GRID1: variants seen among roughly 807,000 people sequenced by gnomAD.
The protein encoded by GRID1 is glutamate ionotropic receptor delta type subunit 1.
GRID1 carries 28 observed loss-of-function variants against 98.0 expected under a neutral mutation model. That is an observed-to-expected ratio of 0.29 (90% confidence interval 0.21 to 0.39). The LOEUF (loss-of-function observed/expected upper bound fraction) is 0.39. Among genes scored for constraint, GRID1 ranks in the 10% least tolerant of loss-of-function variants. GRID1 has a pLI of 1.00. For missense variants in GRID1, 1,111 were observed against 1,340.5 expected (o/e 0.83, Z 2.67); for synonymous variants, 553 against 538.5 (o/e 1.03, Z -0.37).
intron 3 of GRID1, among the ~76,000 whole-genome samples, chr10:86,175,978 G>A (rs1845570589): frequency 6.6e-6 from 1 of 152,106 alleles, no homozygotes; most frequent in African/African-American, 2.4e-5. Flanking sequence ...CAAAGTGCTG[G>A]GATTACAGGC....
chr10:86,322,935 T>C (rs1365011712), intron 2 of GRID1, among the ~76,000 whole-genome samples: 1 of 143,298 alleles, frequency 7.0e-6, no homozygotes, highest in East Asian at 2.1e-4. Context: ...CTACTAAAAA[T>C]ACAAAAAAAA....
chr10:85,649,975 C>T (rs569494488), intron 12 of GRID1: 6 of 152,384 alleles, frequency 3.9e-5, no homozygotes, highest in African/African-American at 1.4e-4. Context: ...GATCTTTCAA[C>T]AAAGGTTTCC....
chr10:85,770,660 G>A (rs983562144), intron 8 of GRID1, among the ~76,000 whole-genome samples: 4 of 152,180 alleles, frequency 2.6e-5, no homozygotes, highest in Admixed American at 6.5e-5. Context: ...GCCAAGGCTC[G>A]AGAACTACGT....
intron 5 of GRID1, among the ~76,000 whole-genome samples, chr10:85,910,726 T>C (rs773875216): frequency 1.2e-4 from 18 of 152,216 alleles, no homozygotes; most frequent in Non-Finnish European, 2.2e-4. Flanking sequence ...TGTCAGACCC[T>C]CATGCTAGGA....
intron 15 of GRID1, 54 bp from the exon 16 acceptor site, chr10:85,602,755 G>A: frequency 7.4e-7 from 1 of 1,350,118 alleles, no homozygotes; most frequent in Non-Finnish European, 1.0e-6. Context: ...AGTCAAGGCT[G>A]GCTTGCTACA....
intron 4 of GRID1, among the ~76,000 whole-genome samples, chr10:86,007,809 GT>G (rs1842880301): frequency 6.8e-6 from 1 of 147,100 alleles, no homozygotes. Context: ...TGTTTTTTTT[GT>G]TTTTTGTGTT....
intron 4 of GRID1, among the ~76,000 whole-genome samples, chr10:86,117,184 C>T (rs1239466761): frequency 1.3e-5 from 2 of 151,766 alleles, no homozygotes; most frequent in Non-Finnish European, 2.9e-5. Flanking sequence ...ACCAGCACCA[C>T]CAATAACACC....
At chr10:86,186,693 GT>G (rs923928491) in intron 3 of GRID1, among the ~76,000 whole-genome samples, 78 of 152,220 alleles carry the variant, frequency 5.1e-4, no homozygotes, top group Middle Eastern at 3.4e-3. Flanking sequence ...CATGGGGCCA[GT>G]TTTTTTTAAA....
intron 4 of GRID1, among the ~76,000 whole-genome samples, chr10:85,983,250 T>G (rs1842567589): frequency 6.6e-6 from 1 of 152,192 alleles, no homozygotes; most frequent in South Asian, 2.1e-4. Context: ...ACGTGCTGGT[T>G]GGCCCTGGAC....
At chr10:86,262,561 G>A (rs1847032143) in intron 2 of GRID1, among the ~76,000 whole-genome samples, 1 of 152,194 alleles carries the variant, frequency 6.6e-6, no homozygotes, top group South Asian at 2.1e-4. Context: ...TGGAGGAAGG[G>A]AACGTGGCTC....
At chr10:85,620,221 T>C (rs970419076) in intron 13 of GRID1, among the ~76,000 whole-genome samples, 188 bp from the exon 14 acceptor site, 3 of 152,176 alleles carry the variant, frequency 2.0e-5, no homozygotes, top group African/African-American at 7.2e-5. Flanking sequence ...GGCCACTCAC[T>C]TTGACTAGAC....
chr10:85,918,636 G>T (rs1841654400), intron 4 of GRID1, among the ~76,000 whole-genome samples: 1 of 152,230 alleles, frequency 6.6e-6, no homozygotes, highest in Admixed American at 6.5e-5. Flanking sequence ...GTGCAAGAGA[G>T]ATTGGAATTG....
intron 12 of GRID1, among the ~76,000 whole-genome samples, chr10:85,657,336 C>A (rs187716750): frequency 6.6e-6 from 1 of 152,286 alleles, no homozygotes; most frequent in African/African-American, 2.4e-5. Context: ...GTGCCTACAA[C>A]TTGAGTGACC....
intron 2 of GRID1, among the ~76,000 whole-genome samples, chr10:86,215,893 A>G (rs1403252016): frequency 6.6e-6 from 1 of 151,990 alleles, no homozygotes; most frequent in African/African-American, 2.4e-5. Flanking sequence ...AGTTTGTGAG[A>G]TCCTCCACCG....
At chr10:86,092,476 G>A (rs1347376935) in intron 4 of GRID1, among the ~76,000 whole-genome samples, 2 of 151,964 alleles carry the variant, frequency 1.3e-5, no homozygotes, top group East Asian at 3.9e-4. Flanking sequence ...AGAAGTCTGG[G>A]ATTATGTTAA....
intron 4 of GRID1, among the ~76,000 whole-genome samples, chr10:85,927,726 C>T (rs1841795729): frequency 1.3e-5 from 2 of 152,088 alleles, no homozygotes; most frequent in South Asian, 4.1e-4. Context: ...ACTGAGGTTA[C>T]AACAGGAACA....
intron 8 of GRID1, among the ~76,000 whole-genome samples, chr10:85,799,826 A>G (rs1234666327): frequency 6.6e-6 from 1 of 152,048 alleles, no homozygotes. Flanking sequence ...AGTTAAAGAT[A>G]GTGTGTTGTA....
chr10:86,271,861 A>G (rs1012505816), intron 2 of GRID1, among the ~76,000 whole-genome samples: 3 of 152,218 alleles, frequency 2.0e-5, no homozygotes, highest in Non-Finnish European at 2.9e-5. Flanking sequence ...CAGAAAAAAT[A>G]TTTATAGAAA....
At chr10:86,116,262 T>C (rs1844577633) in intron 4 of GRID1, among the ~76,000 whole-genome samples, 1 of 152,236 alleles carries the variant, frequency 6.6e-6, no homozygotes, top group South Asian at 2.1e-4. Flanking sequence ...CAAAATTTTA[T>C]TTCACACAAA....
Sources: allele counts gnomAD v4.1 joint callset (sites outside exome capture counted in the v4.1 genomes callset), GRCh38; gene constraint gnomAD v4.1.1; transcripts MANE v1.5; gene names NCBI Gene and HGNC (gene_info 2026-07-23, HGNC 2026-07-21).